The following FHL5 variants were observed in gnomAD, a reference collection of about 807,000 sequenced individuals.
FHL5 encodes the protein four and a half LIM domains 5.
FHL5 carries 33 observed loss-of-function variants against 32.0 expected under a neutral mutation model. That is an observed-to-expected ratio of 1.03 (90% CI 0.78 to 1.38). The LOEUF (loss-of-function observed/expected upper bound fraction) is 1.38, where lower values mean the gene tolerates loss of function less well. Ranked by LOEUF, FHL5 falls within the 40% of genes most tolerant of loss-of-function variation. FHL5 has a pLI of 0.00. For synonymous variants in FHL5, 114 were observed against 113.6 expected, an observed-to-expected ratio of 1.00 and a Z score of -0.02; for missense variants, 336 against 343.9, an observed-to-expected ratio of 0.98 and a Z score of 0.18.
chr6:96,604,720 T>A (rs956808229), intron 2 of FHL5, 30 bp from the exon 3 acceptor site: 12 of 1,573,080 alleles, frequency 7.6e-6, no homozygotes, highest in African/African-American at 1.4e-5. Context: ...CACAACCACA[T>A]TTAATTAACT....
intron 1 of FHL5, among the ~76,000 whole-genome samples, chr6:96,585,311 T>G (rs1042730091): frequency 3.3e-5 from 5 of 152,082 alleles, no homozygotes; most frequent in Non-Finnish European, 7.4e-5. Context: ...AAAGAAAAAA[T>G]CTACTTTACA....
intron 1 of FHL5, among the ~76,000 whole-genome samples, chr6:96,579,395 G>T (rs1247952074): frequency 6.6e-6 from 1 of 151,994 alleles, no homozygotes; most frequent in Non-Finnish European, 1.5e-5. Context: ...GTATATGCTA[G>T]CTATCATTAT....
chr6:96,599,377 T>C (rs1474463286), intron 1 of FHL5, among the ~76,000 whole-genome samples: 1 of 152,026 alleles, frequency 6.6e-6, no homozygotes, highest in Non-Finnish European at 1.5e-5. Context: ...ATATTTTTAG[T>C]AGAGCAGGGG....
At chr6:96,578,928 ATT>A (rs1770643333) in intron 1 of FHL5, among the ~76,000 whole-genome samples, 1 of 152,170 alleles carries the variant, frequency 6.6e-6, no homozygotes, top group Non-Finnish European at 1.5e-5. Flanking sequence ...GCGAAATTTC[ATT>A]TTGTAGATGT....
intron 1 of FHL5, among the ~76,000 whole-genome samples, chr6:96,596,112 GTT>G (rs1168637980): frequency 6.6e-6 from 1 of 151,950 alleles, no homozygotes; most frequent in East Asian, 1.9e-4. Flanking sequence ...AAACCTAAGA[GTT>G]TTAGACCTTA....
intron 5 of FHL5, among the ~76,000 whole-genome samples, chr6:96,615,059 C>T (rs138176777): frequency 2.6e-5 from 4 of 152,202 alleles, no homozygotes; most frequent in East Asian, 1.9e-4. Context: ...TGTCCCAAAC[C>T]GTATAACCCC....
chr6:96,617,102 G>T lies in FHL5; in HGVS notation c.*1330G>T, dbSNP rs1443981855. On this transcript the variant is annotated 3_prime_UTR_variant, in exon 6 of 6. Coordinates refer to ENST00000450218, the MANE Select transcript of FHL5 (RefSeq NM_001322466.2). ...CATCACCAGGTTTATCTTTATACCA[G>T]ACTTTAACTGATCATGACCCTATCT... 6.6e-6 allele frequency among the ~76,000 whole-genome samples: 1 copy of T among 152,194 alleles called. No individual in the cohort carries two copies. The highest frequency in any genetic ancestry group is 1.5e-5 in the Non-Finnish European group (1 of 68,034).
chr6:96,568,555 A>G (rs1215337357), intron 1 of FHL5, among the ~76,000 whole-genome samples: 2 of 151,916 alleles, frequency 1.3e-5, no homozygotes, highest in African/African-American at 4.8e-5. Flanking sequence ...TCTTCTATAA[A>G]TCTTTGGTAG....
intron 1 of FHL5, among the ~76,000 whole-genome samples, chr6:96,602,426 C>CTTCTTTTTTTTTTTTTTT (rs1771169396): frequency 3.0e-5 from 1 of 33,684 alleles, no homozygotes; most frequent in African/African-American, 8.3e-5. Context: ...TGCGTTGTTT[C>CTTCTTTTTTTTTTTTTTT]TTTTTTTTTT....
Position 96,617,535 on chromosome 6 carries a change from T to C in FHL5, c.*1763T>C, listed in dbSNP as rs780740069. ...ACAATGCCAAGGTATTTTTTCATAT[T>C]CACATTGAAAAATACAGGCAAAACT... is the stretch of plus-strand genomic sequence containing the variant. On this transcript the variant is annotated 3_prime_UTR_variant, in exon 6 of 6. Coordinates refer to ENST00000450218, the MANE Select transcript of FHL5 (RefSeq NM_001322466.2). 5.9e-4 allele frequency among the ~76,000 whole-genome samples: 90 copies of C among 152,346 alleles called. 1 individual carries two copies.
chr6:96,581,853 A>G (rs753318440), intron 1 of FHL5, among the ~76,000 whole-genome samples: 24 of 152,228 alleles, frequency 1.6e-4, no homozygotes, highest in Non-Finnish European at 2.6e-4. Flanking sequence ...TCCAAGGAGC[A>G]TGAAGAGGTG....
rs1771207911 is a variant in FHL5 at position 96,603,747 on chromosome 6, A to G, written c.134A>G (p.Lys45Arg). The change falls in exon 2 of 6, where the codon AAA becomes AGA. Residue 45 changes from lysine (K) to arginine (R), a missense_variant. Lys to Arg is a conservative substitution (Grantham distance 26). Transcript: ENST00000450218. ...RVFSNYCEEC[K>R]KPIESDSKDL... Reference sequence around the variant, plus strand: ...TTTTCTAACTATTGCGAGGAATGCAAAAAACCAATTGAATCTGATTCTAAG... The same window carrying G: ...TTTTCTAACTATTGCGAGGAATGCAGAAAACCAATTGAATCTGATTCTAAG... The G allele has an allele frequency of 8.7e-6, 14 of 1,610,718 alleles. No individual in the cohort carries two copies. Among genetic ancestry groups the G allele is most frequent in the Non-Finnish European group, 1.2e-5 (14 of 1,178,652 alleles).
chr6:96,565,351 G>C (rs1770334060), intron 1 of FHL5, among the ~76,000 whole-genome samples: 1 of 152,138 alleles, frequency 6.6e-6, no homozygotes, highest in Non-Finnish European at 1.5e-5. Flanking sequence ...CATTCATACT[G>C]AGTTTTCTAT....
Position 96,592,418 on chromosome 6 carries a change from T to G in FHL5, c.-12-11184T>G, listed in dbSNP as rs186167853. Reference sequence around the variant, plus strand: ...TTTAAGGTTATCTCTCTTATTCCCTTGAACATTGCTGTTATCCTGTTCTTA... The same window carrying G: ...TTTAAGGTTATCTCTCTTATTCCCTGGAACATTGCTGTTATCCTGTTCTTA... On this transcript the variant is annotated intron_variant, in intron 1 of 5. Coordinates refer to ENST00000450218, the MANE Select transcript of FHL5 (RefSeq NM_001322466.2). Among the ~76,000 whole-genome samples the G allele has an allele frequency of 1.9e-3, 286 of 152,324 alleles. 1 individual carries two copies. Among genetic ancestry groups the G allele is most frequent in the African/African-American group, 6.5e-3 (271 of 41,582 alleles).
At chr6:96,570,245 G>T (rs994562629) in intron 1 of FHL5, among the ~76,000 whole-genome samples, 3 of 151,974 alleles carry the variant, frequency 2.0e-5, no homozygotes, top group Non-Finnish European at 4.4e-5. Flanking sequence ...ACTTTGCTGG[G>T]TATAGTATTC....
At chr6:96,597,849 G>A (rs1771067072) in intron 1 of FHL5, among the ~76,000 whole-genome samples, 1 of 152,070 alleles carries the variant, frequency 6.6e-6, no homozygotes, top group African/African-American at 2.4e-5. Flanking sequence ...GTTTCTAAAA[G>A]GTATAGACTT....
chr6:96,562,977 C>T (rs578000523), upstream of FHL5: 4 of 152,250 alleles, frequency 2.6e-5, no homozygotes, highest in Middle Eastern at 6.8e-3. Flanking sequence ...GTGTATGCGT[C>T]TGTGTGAACA....
rs533747467 is a variant in FHL5, at chr6:96,577,437, C to A, written c.-13+14082C>A. 1.4e-4 allele frequency among the ~76,000 whole-genome samples: 22 copies of A among 152,040 alleles called. No individual in the cohort carries two copies. The South Asian group carries it at 4.6e-3, about 32-fold the overall frequency. On this transcript the variant is annotated intron_variant, in intron 1 of 5. Coordinates refer to ENST00000450218, the MANE Select transcript of FHL5 (RefSeq NM_001322466.2). ...TACACACAGACACACACATCCCACA[C>A]AACACACATTCTCACAAATACACAC...
At chr6:96,601,069 C>T (rs1257825775) in intron 1 of FHL5, among the ~76,000 whole-genome samples, 1 of 152,228 alleles carries the variant, frequency 6.6e-6, no homozygotes, top group Non-Finnish European at 1.5e-5. Context: ...GGCGCGGTGG[C>T]TCACGCCTGT....
Sources: allele counts gnomAD v4.1 joint callset (sites outside exome capture counted in the v4.1 genomes callset), GRCh38; gene constraint gnomAD v4.1.1; transcripts MANE v1.5; gene names NCBI Gene and HGNC (gene_info 2026-07-23, HGNC 2026-07-21).